Variants in PDE1A observed in about 807,000 individuals in gnomAD.
PDE1A encodes dual specificity calcium/calmodulin-dependent 3',5'-cyclic nucleotide phosphodiesterase 1A.
In PDE1A, 35 loss-of-function variants were observed where a neutral mutation model predicts 61.7. That is an observed-to-expected ratio of 0.57 (90% CI 0.43 to 0.75). PDE1A has a LOEUF of 0.75. PDE1A is among the 30% of genes least tolerant of loss of function. The pLI, the probability that PDE1A is intolerant of heterozygous loss-of-function variation, is 0.00. For missense variants in PDE1A, 597 were observed against 630.6 expected (o/e 0.95, Z 0.57); for synonymous variants, 232 against 213.2 (o/e 1.09, Z -0.77).
At chr2:182,525,379 T>C (rs67824266), upstream of PDE1A, among the ~76,000 whole-genome samples, 10,028 of 152,264 alleles carry the variant, frequency 0.066, 353 homozygotes, top group Middle Eastern at 0.1. Flanking sequence ...TAAGCAAAAT[T>C]GTTCTAAGTA....
At chr2:182,558,697 C>T in the PDE1A span, among the ~76,000 whole-genome samples, 13 of 152,270 alleles carry the variant, frequency 8.5e-5, no homozygotes, top group Non-Finnish European at 1.2e-4. Context: ...TTTATAAAAG[C>T]CATGCCAAAG....
intron 6 of PDE1A, among the ~76,000 whole-genome samples, chr2:182,227,060 C>T (rs1268756026): frequency 2.0e-5 from 3 of 151,946 alleles, no homozygotes; most frequent in Non-Finnish European, 2.9e-5. Flanking sequence ...AGGTCACATA[C>T]GTATCTAGCG....
chr2:182,552,176 T>C, the PDE1A span, among the ~76,000 whole-genome samples: 1 of 152,212 alleles, frequency 6.6e-6, no homozygotes, highest in African/African-American at 2.4e-5. Context: ...ATAAGTCATA[T>C]TGGGCCTGAG....
At chr2:182,225,387 G>C (rs550863218) in intron 6 of PDE1A, among the ~76,000 whole-genome samples, 1 of 151,938 alleles carries the variant, frequency 6.6e-6, no homozygotes, top group South Asian at 2.1e-4. Context: ...CAAAAATGAA[G>C]GCAGTGACAA....
At chr2:182,182,406 G>A (rs1315429454) in intron 13 of PDE1A, among the ~76,000 whole-genome samples, 7 of 152,068 alleles carry the variant, frequency 4.6e-5, no homozygotes, top group Non-Finnish European at 7.3e-5. Context: ...TACATATCCA[G>A]AAATTATAGA....
the PDE1A span, among the ~76,000 whole-genome samples, chr2:182,630,903 T>C: frequency 2.0e-5 from 3 of 152,262 alleles, no homozygotes; most frequent in African/African-American, 7.2e-5. Flanking sequence ...TTCAATTTAA[T>C]ATTTATTAAC....
chr2:182,707,185 G>A, the PDE1A span, among the ~76,000 whole-genome samples: 1 of 152,148 alleles, frequency 6.6e-6, no homozygotes, highest in South Asian at 2.1e-4. Flanking sequence ...AACTTTAAAT[G>A]TTTATACCAG....
intron 1 of PDE1A, among the ~76,000 whole-genome samples, chr2:182,359,721 G>A (rs988024658): frequency 6.6e-5 from 10 of 151,938 alleles, no homozygotes; most frequent in East Asian, 5.8e-4. Flanking sequence ...AGCTCCCAGC[G>A]GTCAAGAAAA....
intron 2 of PDE1A, among the ~76,000 whole-genome samples, chr2:182,455,846 T>C (rs1280817941): frequency 1.3e-5 from 2 of 151,928 alleles, no homozygotes; most frequent in African/African-American, 2.4e-5. Flanking sequence ...ACATGGCACA[T>C]GTATACATAT....
intron 10 of PDE1A, among the ~76,000 whole-genome samples, chr2:182,194,557 T>A (rs911972202): frequency 6.6e-6 from 1 of 152,096 alleles, no homozygotes; most frequent in Non-Finnish European, 1.5e-5. Context: ...CTCGCTCTAC[T>A]GCCTTTTACC....
At chr2:182,527,313 AAAAAAAAAAAAAAAAT>A (rs1314514926), upstream of PDE1A, among the ~76,000 whole-genome samples, 5 of 43,030 alleles carry the variant, frequency 1.2e-4, no homozygotes, top group African/African-American at 5.5e-4. Flanking sequence ...TAAAAAAAAA[AAAAAAAAAAAAAAAAT>A]ATATATATAT....
the PDE1A span, among the ~76,000 whole-genome samples, chr2:182,653,196 G>A: frequency 6.6e-6 from 1 of 152,154 alleles, no homozygotes; most frequent in African/African-American, 2.4e-5. Flanking sequence ...CCCTAATATA[G>A]CAGAGCTAAT....
exon 14 of PDE1A, chr2:182,147,085 A>G: frequency 6.2e-7 from 1 of 1,602,094 alleles, no homozygotes; most frequent in Non-Finnish European, 8.5e-7. Flanking sequence ...GGGCCTATGA[A>G]TGTGTCTCAT....
At chr2:182,534,155 TG>T in the PDE1A span, among the ~76,000 whole-genome samples, 1 of 152,014 alleles carries the variant, frequency 6.6e-6, no homozygotes, top group Admixed American at 6.5e-5. Flanking sequence ...CTTTTAAAAT[TG>T]TATTATGCAC....
the PDE1A span, among the ~76,000 whole-genome samples, chr2:182,552,151 C>A: frequency 6.6e-6 from 1 of 152,156 alleles, no homozygotes; most frequent in South Asian, 2.1e-4. Context: ...CCCAAATATT[C>A]CCATTACCTC....
chr2:182,258,231 T>C (rs1270383600), intron 2 of PDE1A, among the ~76,000 whole-genome samples: 1 of 152,014 alleles, frequency 6.6e-6, no homozygotes, highest in Non-Finnish European at 1.5e-5. Context: ...TAATGCCTTA[T>C]TGCAATTATA....
intron 2 of PDE1A, among the ~76,000 whole-genome samples, chr2:182,483,040 T>G (rs1687801251): frequency 6.6e-6 from 1 of 151,872 alleles, no homozygotes; most frequent in Non-Finnish European, 1.5e-5. Context: ...GTGGCTGTAT[T>G]AATATCATAC....
the PDE1A span, among the ~76,000 whole-genome samples, chr2:182,715,255 A>G: frequency 1.1e-3 from 169 of 152,344 alleles, no homozygotes; most frequent in African/African-American, 3.7e-3. Context: ...TATAGGAGCC[A>G]CTATCTTGTA....
the PDE1A span, among the ~76,000 whole-genome samples, chr2:182,713,962 C>A: frequency 1.3e-5 from 2 of 152,152 alleles, no homozygotes; most frequent in African/African-American, 2.4e-5. Flanking sequence ...TACTAAGGTC[C>A]CTATAACCTC....
Sources: gnomAD v4.1 joint callset for allele counts (sites outside exome capture counted in the v4.1 genomes callset) on GRCh38, gnomAD v4.1.1 for gene constraint, MANE v1.5 for transcripts, NCBI Gene and HGNC (gene_info 2026-07-23, HGNC 2026-07-21) for gene names.